ZFYVE26: variants seen among roughly 807,000 people sequenced by gnomAD.
ZFYVE26 encodes the protein zinc finger FYVE-type containing 26, also known as zinc finger FYVE domain-containing protein 26.
ZFYVE26 carries 181 observed loss-of-function variants against 276.5 expected under a neutral mutation model. The observed-to-expected ratio is 0.65, with a 90% CI of 0.58 to 0.74. ZFYVE26 has a LOEUF of 0.74. ZFYVE26 is among the 30% of genes least tolerant of loss of function. The pLI, the probability that ZFYVE26 is intolerant of heterozygous loss-of-function variation, is 0.00. For missense variants in ZFYVE26, 2,821 were observed against 3,097.9 expected, an observed-to-expected ratio of 0.91 and a Z score of 2.12; for synonymous variants, 1,129 against 1,203.1, an observed-to-expected ratio of 0.94 and a Z score of 1.27.
intron 16 of ZFYVE26, among the ~76,000 whole-genome samples, chr14:67,787,199 C>T (rs2039681841): frequency 6.6e-6 from 1 of 152,000 alleles, no homozygotes; most frequent in South Asian, 2.1e-4. Flanking sequence ...CAAAAATTAG[C>T]TGGGCGTGGT....
chr14:67,775,717 T>A (rs2039324006), intron 26 of ZFYVE26, 143 bp downstream of exon 26: 7 of 1,224,290 alleles, frequency 5.7e-6, no homozygotes, highest in Non-Finnish European at 8.2e-6. Flanking sequence ...CTCTCCTATA[T>A]AATAAAGAGA....
rs750398979 is a variant in ZFYVE26, at chr14:67,790,471, C to T, written c.2755+101G>A. On this transcript the variant is annotated intron_variant, in intron 15 of 41. Coordinates refer to ENST00000347230, the MANE Select transcript of ZFYVE26 (RefSeq NM_015346.4). ...AAGGCAGGTGTCCTGTATTTAATTT[C>T]TGCTCACCCTCATGAGGAGCCTAGG... 4.4e-4 allele frequency: 567 copies of T among 1,289,790 alleles called. 1 individual carries two copies. The highest frequency in any genetic ancestry group is 6.1e-4 in the Non-Finnish European group (551 of 898,998). 79.9% of individuals were successfully genotyped at this position (1,289,790 alleles called of 1,614,324 possible). A position where few individuals can be genotyped will look rare whatever the true frequency, so the allele number is the denominator to read the frequency against.
chr14:67,748,087 T>C lies in ZFYVE26; in HGVS notation c.*349A>G. On this transcript the variant is annotated 3_prime_UTR_variant, in exon 42 of 42. Transcript: ENST00000347230. ...TGGCAAGTCTAAAGTAAAGTGCCTC[T>C]TTTAAATGGAGAAGAGTTTCATTTG... 1 of 302,728 alleles carries C rather than the reference T, an allele frequency of 3.3e-6. No individual in the cohort carries two copies. The highest frequency in any genetic ancestry group is 6.3e-6 in the Non-Finnish European group (1 of 159,376). The allele number at this position is 302,728 out of a possible 1,614,324, so 18.8% of individuals were successfully genotyped here. A position where few individuals can be genotyped will look rare whatever the true frequency, so the allele number is the denominator to read the frequency against.
exon 14 of ZFYVE26, chr14:67,729,215 TG>T: frequency 3.7e-6 from 6 of 1,612,462 alleles, no homozygotes; most frequent in Non-Finnish European, 4.2e-6. Context: ...ACCTACGCAG[TG>T]CACCCAGGCG....
chr14:67,813,990 T>C lies in ZFYVE26; in HGVS notation c.269A>G (p.Glu90Gly), dbSNP rs2040350466. 1 of 1,613,340 alleles carries C rather than the reference T, an allele frequency of 6.2e-7. No individual in the cohort carries two copies. The highest frequency in any genetic ancestry group is 8.5e-7 in the Non-Finnish European group (1 of 1,179,410). ...ATTTAATATAAACCTACTTACCTTT[T>C]CCCGGGCCAACCATTTCTCCAGTAC... is the stretch of plus-strand genomic sequence containing the variant. ...LLVLEKWLAR[E>G]KKLLPVVFRR... is the part of the protein sequence containing the mutation. The change falls in exon 3 of 42, where the codon GAA becomes GGA. Residue 90 changes from glutamate to glycine, a missense_variant. Coordinates refer to ENST00000347230, the MANE Select transcript of ZFYVE26 (RefSeq NM_015346.4).
chr14:67,755,257 G>A lies in ZFYVE26; in HGVS notation c.6787-7C>T, dbSNP rs768193085. 2 of 1,614,076 alleles carry A rather than the reference G, an allele frequency of 1.2e-6. No individual in the cohort carries two copies. The highest frequency in any genetic ancestry group is 8.5e-7 in the Non-Finnish European group (1 of 1,180,016). Reference sequence around the variant, plus strand: ...TGGCGGCCCGAACTTGGTCCTAGAAGAGGAAAATAAATGTTCAGGTCAAAG... The same window carrying A: ...TGGCGGCCCGAACTTGGTCCTAGAAAAGGAAAATAAATGTTCAGGTCAAAG... On this transcript the variant is annotated splice_polypyrimidine_tract_variant and splice_region_variant and intron_variant, in intron 36 of 41. Transcript: ENST00000347230.
At position 67,777,748 on chromosome 14, in the gene ZFYVE26, GGTA is replaced by G; in HGVS notation, c.4798-16_4798-14del. The G allele has an allele frequency of 6.2e-7, 1 of 1,614,160 alleles. No individual in the cohort carries two copies. Among genetic ancestry groups the G allele is most frequent in the Non-Finnish European group, 8.5e-7 (1 of 1,180,020 alleles). On this transcript the variant is annotated splice_polypyrimidine_tract_variant and intron_variant, in intron 24 of 41. Transcript: ENST00000347230. ...TTCTTCGCAGGAGCTATTGTCAAAG[GGTA>G]GAGGAGGAAGGTGTGGCCTGCAGAA...
intron 21 of ZFYVE26, among the ~76,000 whole-genome samples, chr14:67,781,976 C>T (rs2039512286): frequency 6.6e-6 from 1 of 152,246 alleles, no homozygotes; most frequent in African/African-American, 2.4e-5. Flanking sequence ...CACTCCCTGA[C>T]TTAGATCTCT....
intron 41 of ZFYVE26, 77 bp downstream of exon 41, chr14:67,750,975 C>A (rs773763740): frequency 1.2e-5 from 18 of 1,558,314 alleles, no homozygotes; most frequent in Non-Finnish European, 1.5e-5. Context: ...TTGTGGGGAG[C>A]AAGGGATAAA....
intron 3 of ZFYVE26, 141 bp from the exon 4 acceptor site, chr14:67,809,430 T>A (rs1471746640): frequency 4.9e-5 from 33 of 669,978 alleles, no homozygotes; most frequent in Middle Eastern, 4.2e-4. Context: ...TTTTTTTTTT[T>A]TTTTTATTTT....
rs1431529539 is a variant in ZFYVE26 at position 67,746,955 on chromosome 14, C to G, written c.*1481G>C. On this transcript the variant is annotated 3_prime_UTR_variant, in exon 42 of 42. Coordinates refer to ENST00000347230, the MANE Select transcript of ZFYVE26 (RefSeq NM_015346.4). ...CTCTAACAGGACCAAAACTTCTCAT[C>G]TGACAGATGTCCATGAGTTGTTTAT... 6.6e-6 allele frequency: 1 copy of G among 152,650 alleles called. No individual in the cohort carries two copies. The highest frequency in any genetic ancestry group is 6.5e-5 in the Admixed American group (1 of 15,282). The allele number at this position is 152,650 out of a possible 1,614,324, so 9.5% of individuals were successfully genotyped here.
rs149860093 is a variant in ZFYVE26, at chr14:67,766,220, C to T, written c.6011+7G>A. ...GTGTAAAAGAATAGAGACCCACTGC[C>T]CTCTACCTGTCACAAAGAGCCAAGT... On this transcript the variant is annotated splice_region_variant and intron_variant, in intron 32 of 41. Transcript: ENST00000347230. 1.5e-4 allele frequency: 237 copies of T among 1,613,174 alleles called. 1 individual carries two copies. In the East Asian group the frequency reaches 5.2e-3, roughly 36 times the overall value.
At chr14:67,752,294 G>C (rs1212243263) in intron 40 of ZFYVE26, 50 bp downstream of exon 40, 1 of 1,566,874 alleles carries the variant, frequency 6.4e-7, no homozygotes, top group Non-Finnish European at 8.7e-7. Context: ...ATGGGGATGT[G>C]AAGACACTGA....
At chr14:67,816,141 T>G in intron 1 of ZFYVE26, 95 bp from the exon 2 acceptor site, 1 of 581,140 alleles carries the variant, frequency 1.7e-6, no homozygotes, top group East Asian at 2.8e-5. Context: ...CGGGACTTGC[T>G]TGCCTAAGTA....
chr14:67,781,932 A>G (rs1421577743), intron 21 of ZFYVE26, among the ~76,000 whole-genome samples: 1 of 152,208 alleles, frequency 6.6e-6, no homozygotes, highest in African/African-American at 2.4e-5. Context: ...TGCCATACAT[A>G]ACCACTTGAA....
chr14:67,783,648 T>C (rs2039571048), intron 20 of ZFYVE26, 123 bp from the exon 21 acceptor site: 2 of 1,294,398 alleles, frequency 1.5e-6, no homozygotes, highest in Non-Finnish European at 2.2e-6. Context: ...TCACACTCTT[T>C]TTTTAAAACA....
At chr14:67,745,717 A>G (rs1366936667), downstream of ZFYVE26, among the ~76,000 whole-genome samples, 2 of 152,040 alleles carry the variant, frequency 1.3e-5, no homozygotes, top group African/African-American at 4.8e-5. Context: ...AAATGACAAC[A>G]GCTTTTTAAA....
Position 67,778,205 on chromosome 14 carries a change from G to T in ZFYVE26, c.4718C>A (p.Pro1573Gln), listed in dbSNP as rs766467018. ...CEEWGCLYPI[P>Q]REHLISLHQK... is the part of the protein sequence containing the mutation. Reference sequence around the variant, plus strand: ...ATGAAGGCTGATTAAATGTTCTCTTGGAATGGGGTACAGGCAGCCCCACTC... The same window carrying T: ...ATGAAGGCTGATTAAATGTTCTCTTTGAATGGGGTACAGGCAGCCCCACTC... The change falls in exon 24 of 42, where the codon CCA (proline) becomes CAA (glutamine). Residue 1573 changes from proline (P) to glutamine (Q), a missense_variant. Coordinates refer to ENST00000347230, the MANE Select transcript of ZFYVE26 (RefSeq NM_015346.4). 1 of 1,614,138 alleles carries T rather than the reference G, an allele frequency of 6.2e-7. No homozygotes were observed. The highest frequency in any genetic ancestry group is 1.3e-5 in the African/African-American group (1 of 75,036).
Position 67,799,641 on chromosome 14 carries a change from T to TA in ZFYVE26, c.1640-1020dup, listed in dbSNP as rs1325378826. 5 of 1,370,488 alleles carry TA rather than the reference T, an allele frequency of 3.6e-6. No individual in the cohort carries two copies. In the Admixed American group the frequency reaches 6.8e-5, roughly 19 times the overall value. 84.9% of individuals were successfully genotyped at this position (1,370,488 alleles called of 1,614,324 possible). Reference sequence around the variant, plus strand: ...TTTTCTCTTCAAAGGTCCTTAGGTGTAAATTGATGCCATGGTAGGCAAGGT... The same window carrying TA: ...TTTTCTCTTCAAAGGTCCTTAGGTGTAAAATTGATGCCATGGTAGGCAAGGT... On this transcript the variant is annotated intron_variant, in intron 10 of 41. Transcript: ENST00000347230.
Sources: gnomAD v4.1 joint callset for allele counts (sites outside exome capture counted in the v4.1 genomes callset) on GRCh38, gnomAD v4.1.1 for gene constraint, MANE v1.5 for transcripts, NCBI Gene and HGNC (gene_info 2026-07-23, HGNC 2026-07-21) for gene names.